The following CDC14A variants were observed in gnomAD, a reference collection of about 807,000 sequenced individuals.
CDC14A encodes cell division cycle 14A.
In CDC14A, 53 loss-of-function variants were observed where a neutral mutation model predicts 74.4. The ratio of observed to expected loss-of-function variants is 0.71; its 90% CI spans 0.57 to 0.89. CDC14A has a LOEUF of 0.89. Ranked by LOEUF, CDC14A falls within the 40% of genes least tolerant of loss-of-function variation. The pLI is 0.00. For missense variants in CDC14A, 646 were observed against 713.7 expected, an observed-to-expected ratio of 0.91 and a Z score of 1.08; for synonymous variants, 247 against 258.4, an observed-to-expected ratio of 0.96 and a Z score of 0.43.
rs148639495 is a variant in CDC14A at position 100,499,252 on chromosome 1, G to A, written c.1745G>A (p.Arg582His). ...LSSSSARFLS[R>H]SIPSLQSEYV... ...TCTTCTTCAGCGAGATTCCTGAGCC[G>A]TTCTATCCCTGTAAGTGCGCAGACA... The change falls in exon 15 of 16, where the codon CGT becomes CAT. Residue 582 changes from arginine to histidine, a missense_variant. Coordinates refer to ENST00000336454, the MANE Select transcript of CDC14A (RefSeq NM_003672.4). 132 of 1,614,124 alleles carry A rather than the reference G, an allele frequency of 8.2e-5. 1 individual carries two copies. In the East Asian group the frequency reaches 1.1e-3, roughly 14 times the overall value.
At chr1:100,425,165 C>T (rs1166250107) in intron 5 of CDC14A, among the ~76,000 whole-genome samples, 1 of 152,050 alleles carries the variant, frequency 6.6e-6, no homozygotes, top group African/African-American at 2.4e-5. Context: ...GATACCGTTT[C>T]TCAAATAAAT....
intron 2 of CDC14A, among the ~76,000 whole-genome samples, chr1:100,364,429 G>T (rs1359931352): frequency 1.3e-5 from 2 of 151,866 alleles, no homozygotes; most frequent in African/African-American, 4.8e-5. Context: ...GGCCAGGATG[G>T]TCTCAATCTC....
At chr1:100,358,143 G>T (rs1652179642) in intron 2 of CDC14A, among the ~76,000 whole-genome samples, 1 of 152,102 alleles carries the variant, frequency 6.6e-6, no homozygotes, top group Admixed American at 6.6e-5. Flanking sequence ...CAAAGTATAG[G>T]CTAACACACT....
At position 100,424,227 on chromosome 1, in the gene CDC14A, CTA is replaced by C. The variant is rs1662683733; in HGVS notation, c.317_318del (p.Tyr106PhefsTer54). 6.2e-7 allele frequency: 1 copy of C among 1,609,146 alleles called. No homozygotes were observed. On this transcript the variant is annotated frameshift_variant, in exon 5 of 16. Coordinates refer to ENST00000336454, the MANE Select transcript of CDC14A (RefSeq NM_003672.4). LOFTEE classifies it high-confidence loss of function. ...AFLIGAYAVI[Y>X]LKKTPEEAYR... Reference sequence around the variant, plus strand: ...TTACTATTTATCTGTCTTAGGTAATCTATTTAAAGAAGACACCAGAAGAAGCC... The same window carrying C: ...TTACTATTTATCTGTCTTAGGTAATCTTTAAAGAAGACACCAGAAGAAGCC...
At chr1:100,489,541 C>A (rs544537739) in intron 11 of CDC14A, among the ~76,000 whole-genome samples, 4 of 149,020 alleles carry the variant, frequency 2.7e-5, no homozygotes, top group African/African-American at 7.5e-5. Context: ...AATATTTATT[C>A]TTCATGTTGT....
intron 3 of CDC14A, among the ~76,000 whole-genome samples, chr1:100,378,856 C>A (rs1361231622): frequency 6.6e-6 from 1 of 152,090 alleles, no homozygotes; most frequent in East Asian, 1.9e-4. Flanking sequence ...TAAGCCAGAT[C>A]TGTTTTTAAG....
chr1:100,374,338 G>T (rs959800551), intron 2 of CDC14A, among the ~76,000 whole-genome samples: 1 of 152,092 alleles, frequency 6.6e-6, no homozygotes, highest in African/African-American at 2.4e-5. Flanking sequence ...GGATGGCTGG[G>T]TCAAATGGTA....
intron 3 of CDC14A, among the ~76,000 whole-genome samples, chr1:100,386,050 C>T (rs543553671): frequency 3.3e-5 from 5 of 151,968 alleles, no homozygotes; most frequent in Non-Finnish European, 7.4e-5. Context: ...GCCTGTAGTC[C>T]CAGCTACTCA....
intron 5 of CDC14A, among the ~76,000 whole-genome samples, chr1:100,431,352 G>C (rs1195407602): frequency 6.6e-6 from 1 of 151,592 alleles, no homozygotes; most frequent in Non-Finnish European, 1.5e-5. Flanking sequence ...ACCAAACTTA[G>C]TGAAGTAGGG....
At chr1:100,412,725 T>TATATA (rs1553178979) in intron 4 of CDC14A, among the ~76,000 whole-genome samples, 1 of 82,924 alleles carries the variant, frequency 1.2e-5, no homozygotes, top group South Asian at 3.0e-4. Flanking sequence ...TATATATATT[T>TATATA]TATATATATA....
intron 3 of CDC14A, among the ~76,000 whole-genome samples, chr1:100,385,515 C>T (rs1403693293): frequency 6.6e-6 from 1 of 152,180 alleles, no homozygotes; most frequent in Non-Finnish European, 1.5e-5. Context: ...TTGACCAATT[C>T]AACCTGAGAA....
chr1:100,420,672 CA>C (rs1223678707), intron 4 of CDC14A, among the ~76,000 whole-genome samples: 1 of 151,962 alleles, frequency 6.6e-6, no homozygotes, highest in Non-Finnish European at 1.5e-5. Flanking sequence ...TGATTTAAGT[CA>C]AAAGTAAATG....
chr1:100,427,251 A>G lies in CDC14A; in HGVS notation c.389+2950A>G, dbSNP rs542712657. Among the ~76,000 whole-genome samples the G allele has an allele frequency of 2.0e-5, 3 of 152,294 alleles. No individual in the cohort carries two copies. The East Asian group carries it at 5.8e-4, about 29-fold the overall frequency. ...AATGAGAAGCCTTAAAGGAATTTCT[A>G]TTTGGATGTAATTGTTTTATTATTT... On this transcript the variant is annotated intron_variant, in intron 5 of 15. Transcript: ENST00000336454.
chr1:100,492,830 C>G (rs1375696532), intron 11 of CDC14A, among the ~76,000 whole-genome samples: 1 of 143,668 alleles, frequency 7.0e-6, no homozygotes, highest in Non-Finnish European at 1.5e-5. Context: ...ACTGGTTGTT[C>G]TTAGCCCTGC....
chr1:100,435,024 A>G (rs1389673992), intron 5 of CDC14A, among the ~76,000 whole-genome samples: 1 of 152,202 alleles, frequency 6.6e-6, no homozygotes, highest in Non-Finnish European at 1.5e-5. Flanking sequence ...CCTTTGGCCT[A>G]CTGAATTAGA....
chr1:100,362,093 G>A (rs1570954573), intron 2 of CDC14A, among the ~76,000 whole-genome samples: 1 of 152,160 alleles, frequency 6.6e-6, no homozygotes, highest in East Asian at 1.9e-4. Context: ...TTGCTATTCT[G>A]TTTTGTTTTG....
intron 5 of CDC14A, among the ~76,000 whole-genome samples, chr1:100,432,537 T>C (rs1663821708): frequency 6.6e-6 from 1 of 152,210 alleles, no homozygotes; most frequent in Non-Finnish European, 1.5e-5. Flanking sequence ...GACTCACAGC[T>C]GTAATCCCAG....
At chr1:100,446,285 C>CA (rs1445302217) in intron 7 of CDC14A, among the ~76,000 whole-genome samples, 1 of 152,000 alleles carries the variant, frequency 6.6e-6, no homozygotes, top group Non-Finnish European at 1.5e-5. Context: ...AAAAAAACCC[C>CA]AAAAAAGCCT....
chr1:100,439,215 C>T (rs905012532), intron 5 of CDC14A, among the ~76,000 whole-genome samples: 1 of 152,314 alleles, frequency 6.6e-6, no homozygotes, highest in Non-Finnish European at 1.5e-5. Flanking sequence ...GCTCTCGTGG[C>T]TCCCAGTGGC....
Sources: gnomAD v4.1 joint callset for allele counts (sites outside exome capture counted in the v4.1 genomes callset) on GRCh38, gnomAD v4.1.1 for gene constraint, MANE v1.5 for transcripts, NCBI Gene and HGNC (gene_info 2026-07-23, HGNC 2026-07-21) for gene names.